ZNF827: variants seen among roughly 807,000 people sequenced by gnomAD.
The protein encoded by ZNF827 is zinc finger protein 827.
ZNF827 carries 13 observed loss-of-function variants against 102.4 expected under a neutral mutation model. That is an observed-to-expected ratio of 0.13 (90% CI 0.08 to 0.20). The LOEUF is 0.20. Ranked by LOEUF, ZNF827 falls within the 10% of genes least tolerant of loss-of-function variation. The pLI is 1.00. For missense variants in ZNF827, 1,103 were observed against 1,344.4 expected (o/e 0.82, Z 2.81); for synonymous variants, 523 against 536.2 (o/e 0.98, Z 0.34).
intron 4 of ZNF827, chr4:145,876,597 C>T (rs1008930974): frequency 6.6e-6 from 1 of 152,236 alleles, no homozygotes; most frequent in East Asian, 1.9e-4. Flanking sequence ...CTAATTCTCA[C>T]AGCCACCCTT....
chr4:145,770,866 G>T (rs1016945764), intron 11 of ZNF827: 1 of 152,132 alleles, frequency 6.6e-6, no homozygotes, highest in Non-Finnish European at 1.5e-5. Flanking sequence ...AAGCCTCTTG[G>T]TATATACAGC....
Position 145,760,737 on chromosome 4 carries a change from T to TTG in ZNF827, c.*878_*879insCA. ...GTTTTGTGGTTTTTTTTTTTTTTTT[T>TTG]GTCTTTTGTCTCTCTGTTTTTGGTA... On this transcript the variant is annotated 3_prime_UTR_variant, in exon 15 of 15. Coordinates refer to ENST00000508784, the MANE Select transcript of ZNF827 (RefSeq NM_001306215.2). 1.2e-6 allele frequency: 1 copy of TTG among 814,710 alleles called. No individual in the cohort carries two copies. 50.5% of individuals were successfully genotyped at this position (814,710 alleles called of 1,614,324 possible). A position where few individuals can be genotyped will look rare whatever the true frequency, so the allele number is the denominator to read the frequency against.
chr4:145,933,444 C>A (rs888156238), intron 1 of ZNF827, among the ~76,000 whole-genome samples: 68 of 152,310 alleles, frequency 4.5e-4, no homozygotes, highest in African/African-American at 1.3e-3. Context: ...TTCAATCTTT[C>A]TTTCTCTTTC....
At chr4:145,886,354 C>G (rs1031957310) in intron 3 of ZNF827, among the ~76,000 whole-genome samples, 196 bp from the exon 4 acceptor site, 5 of 152,164 alleles carry the variant, frequency 3.3e-5, no homozygotes, top group Non-Finnish European at 7.3e-5. Flanking sequence ...GGTTAAGAGT[C>G]CATTATTAGG....
chr4:145,761,436 G>A lies in ZNF827; in HGVS notation c.*180C>T. The A allele has an allele frequency of 7.8e-7, 1 of 1,289,884 alleles. No individual in the cohort carries two copies. Among genetic ancestry groups the A allele is most frequent in the Non-Finnish European group, 1.0e-6 (1 of 988,882 alleles). The allele number at this position is 1,289,884 out of a possible 1,614,324, so 79.9% of individuals were successfully genotyped here. On this transcript the variant is annotated 3_prime_UTR_variant, in exon 15 of 15. Coordinates refer to ENST00000508784, the MANE Select transcript of ZNF827 (RefSeq NM_001306215.2). The surrounding 1 kb of genome is among the most constrained non-coding windows in gnomAD (Gnocchi z 6.8). ...ACAGGTAGCCGCACTGGTCGCACTT[G>A]TAGTGGTTGCCCAGGCGGTGCTCCC...
intron 1 of ZNF827, among the ~76,000 whole-genome samples, chr4:145,921,289 C>A (rs898631889): frequency 6.6e-6 from 1 of 152,124 alleles, no homozygotes; most frequent in East Asian, 1.9e-4. Flanking sequence ...GACAAAGCAT[C>A]TTCTAGATTT....
chr4:145,860,154 A>AT (rs1319925896), intron 5 of ZNF827, among the ~76,000 whole-genome samples: 1 of 152,190 alleles, frequency 6.6e-6, no homozygotes, highest in Non-Finnish European at 1.5e-5. Context: ...TCTTACCAAT[A>AT]TTTGAATGTG....
chr4:145,761,235 T>C lies in ZNF827; in HGVS notation c.*381A>G, dbSNP rs1734447203. The C allele has an allele frequency of 1.6e-6, 2 of 1,289,660 alleles. No homozygotes were observed. Among genetic ancestry groups the C allele is most frequent in the Non-Finnish European group, 2.0e-6 (2 of 988,866 alleles). The allele number at this position is 1,289,660 out of a possible 1,614,324, so 79.9% of individuals were successfully genotyped here. A position where few individuals can be genotyped will look rare whatever the true frequency, so the allele number is the denominator to read the frequency against. ...CGTGGCGGCTGAAGACGAAAGGGTG[T>C]GTGGTCTTGAACAGGCACTCTTCGC... On this transcript the variant is annotated 3_prime_UTR_variant, in exon 15 of 15. Transcript: ENST00000508784. This position sits in a 1 kb window ranked among gnomAD's most constrained non-coding sequence, Gnocchi z 6.8.
intron 5 of ZNF827, among the ~76,000 whole-genome samples, chr4:145,862,784 T>C (rs1270793288): frequency 6.6e-6 from 1 of 152,248 alleles, no homozygotes; most frequent in East Asian, 1.9e-4. Flanking sequence ...TATGTGAATA[T>C]GAGACAGACT....
At chr4:145,827,158 A>G (rs1743768403) in intron 7 of ZNF827, among the ~76,000 whole-genome samples, 1 of 152,038 alleles carries the variant, frequency 6.6e-6, no homozygotes. Flanking sequence ...GTAGTTGCCC[A>G]TGCCCATGAG....
At chr4:145,825,917 G>A (rs1008096705) in intron 7 of ZNF827, among the ~76,000 whole-genome samples, 2 of 152,210 alleles carry the variant, frequency 1.3e-5, no homozygotes, top group Non-Finnish European at 2.9e-5. Context: ...TTAGAAGGGA[G>A]TCCTGCTGGA....
chr4:145,786,294 C>T (rs758857843), intron 8 of ZNF827, among the ~76,000 whole-genome samples: 6 of 152,156 alleles, frequency 3.9e-5, no homozygotes, highest in Admixed American at 1.3e-4. Context: ...CAAAACAGTC[C>T]TCTCAAAGAA....
chr4:145,929,571 C>G (rs946061690), intron 1 of ZNF827, among the ~76,000 whole-genome samples: 13 of 151,952 alleles, frequency 8.6e-5, no homozygotes, highest in African/African-American at 2.9e-4. Flanking sequence ...AAGTATTAGT[C>G]AAGCCCTACA....
intron 5 of ZNF827, among the ~76,000 whole-genome samples, chr4:145,864,822 C>A (rs890888016): frequency 6.6e-6 from 1 of 152,122 alleles, no homozygotes; most frequent in Non-Finnish European, 1.5e-5. Context: ...GGCCTCACAT[C>A]GTCTCTACCA....
Position 145,917,700 on chromosome 4 carries a change from CAAAAAAAAA to C in ZNF827, c.44-14494_44-14486del, listed in dbSNP as rs763617063. Among the ~76,000 whole-genome samples the C allele has an allele frequency of 6.6e-3, 307 of 46,848 alleles. 4 individuals are homozygous for C. The highest frequency in any genetic ancestry group is 9.1e-3 in the Non-Finnish European group (229 of 25,290). 30.7% of individuals were successfully genotyped at this position (46,848 alleles called of 152,430 possible). ...AAGGCTCAACTCCAAGGTAGCTGGT[CAAAAAAAAA>C]AAAAAAAAAAAAAAAAAGAAAAGAA... is the stretch of plus-strand genomic sequence containing the variant. On this transcript the variant is annotated intron_variant, in intron 1 of 14. Coordinates refer to ENST00000508784, the MANE Select transcript of ZNF827 (RefSeq NM_001306215.2).
chr4:145,851,470 T>G (rs1482144923), intron 5 of ZNF827, among the ~76,000 whole-genome samples: 1 of 152,016 alleles, frequency 6.6e-6, no homozygotes, highest in Non-Finnish European at 1.5e-5. Flanking sequence ...ATGACATGGG[T>G]GAACGTCAAA....
intron 7 of ZNF827, chr4:145,839,305 G>A (rs1372238118): frequency 6.6e-6 from 1 of 152,264 alleles, no homozygotes; most frequent in Non-Finnish European, 1.5e-5. Context: ...CGCTGCAGTG[G>A]AGAGGCCAGA....
chr4:145,901,271 A>G (rs142993476), intron 2 of ZNF827, among the ~76,000 whole-genome samples: 108 of 152,340 alleles, frequency 7.1e-4, no homozygotes, highest in African/African-American at 2.5e-3. Flanking sequence ...GGATATCCTT[A>G]AGAGACATCT....
intron 11 of ZNF827, among the ~76,000 whole-genome samples, chr4:145,770,600 A>T (rs2126910869): frequency 6.6e-6 from 1 of 151,910 alleles, no homozygotes; most frequent in African/African-American, 2.4e-5. Flanking sequence ...ATAATAAAAT[A>T]TAATAATAAT....
Sources: gnomAD v4.1 joint callset for allele counts (sites outside exome capture counted in the v4.1 genomes callset) on GRCh38, gnomAD v4.1.1 for gene constraint, Gnocchi (gnomAD v3.1) non-coding constraint, MANE v1.5 for transcripts, NCBI Gene and HGNC (gene_info 2026-07-23, HGNC 2026-07-21) for gene names.